Variants in SLC38A5 observed in about 807,000 individuals in gnomAD.
The protein encoded by SLC38A5 is solute carrier family 38 member 5.
SLC38A5 carries 9 observed loss-of-function variants against 34.6 expected under a neutral mutation model. The observed-to-expected ratio is 0.26, with a 90% CI of 0.16 to 0.45. SLC38A5 has a LOEUF of 0.45. Among genes scored for constraint, SLC38A5 ranks in the 20% least tolerant of loss-of-function variants. SLC38A5 has a pLI of 1.00. For synonymous variants in SLC38A5, 157 were observed against 155.6 expected (o/e 1.01, Z -0.07); for missense variants, 253 against 394.7 (o/e 0.64, Z 3.04).
At position 48,468,993 on chromosome X, in the gene SLC38A5, C is replaced by A. The variant is rs190105886; in HGVS notation, c.-2+342G>T. On this transcript the variant is annotated intron_variant, in intron 2 of 16. Coordinates refer to ENST00000620913, the MANE Select transcript of SLC38A5 (RefSeq NM_033518.4). ...ACCCCAGCTCCCTCCCGCGCTTACTCCTTGGGAAGGAGGTATCTCAGAAAC... is the reference window on the plus strand; with the variant it reads ...ACCCCAGCTCCCTCCCGCGCTTACTACTTGGGAAGGAGGTATCTCAGAAAC... The A allele has an allele frequency of 6.9e-4, 516 of 751,219 alleles. 4 individuals are homozygous for A. The African/African-American group carries it at 0.012, about 17-fold the overall frequency. 61.9% of individuals were successfully genotyped at this position (751,219 alleles called of 1,213,427 possible).
intron 6 of SLC38A5, 122 bp downstream of exon 6, chrX:48,466,677 G>A (rs977727494): frequency 2.1e-5 from 16 of 754,662 alleles, no homozygotes; most frequent in Non-Finnish European, 3.0e-5. Flanking sequence ...TCTGGGGTCT[G>A]CATTCAGGGA....
chrX:48,459,410 ACCAT>A, intron 16 of SLC38A5, 122 bp downstream of exon 16: 3 of 637,422 alleles, frequency 4.7e-6, no homozygotes, highest in Non-Finnish European at 4.5e-6. Context: ...ATTCTTCCAG[ACCAT>A]TCTTTCAGAT....
At chrX:48,463,089 G>A in intron 8 of SLC38A5, 109 bp from the exon 9 acceptor site, 1 of 583,390 alleles carries the variant, frequency 1.7e-6, no homozygotes. Flanking sequence ...AGTCAGGAGA[G>A]TTAAGCTGAC....
In SLC38A5 at chrX:48,467,772, G is replaced by T; in HGVS notation, c.67C>A (p.Arg23Ser). 1 of 1,208,160 alleles carries T rather than the reference G, an allele frequency of 8.3e-7. No homozygotes were observed. Among genetic ancestry groups the T allele is most frequent in the Non-Finnish European group, 1.1e-6 (1 of 893,841 alleles). ...CCACGACTGGGCAGGAAGCCCTCAC[G>T]TTCTTGCCTGTAGCTGGATAGGGCA... ...PSDAVGYRQEREGFLPSRGPA... is the reference protein window; with the variant it reads ...PSDAVGYRQESEGFLPSRGPA... Residue 23 changes from arginine (R) to serine (S), a missense_variant, in exon 4 of 17, where the codon CGT becomes AGT. Around this residue, in one of 3 missense-constraint regions of SLC38A5, gnomAD observed 40 missense variants for 36.4 expected, o/e 1.10. Coordinates refer to ENST00000620913, the MANE Select transcript of SLC38A5 (RefSeq NM_033518.4).
At chrX:48,469,680 GA>G in intron 1 of SLC38A5, 2 of 114,291 alleles carry the variant, frequency 1.7e-5, no homozygotes, top group Non-Finnish European at 3.7e-5. Flanking sequence ...ATGGATGGCA[GA>G]AAAAGGTGCA....
Position 48,459,808 on chromosome X carries a change from T to A in SLC38A5, c.1137A>T (p.Ile379=). 1 of 1,211,585 alleles carries A rather than the reference T, an allele frequency of 8.3e-7. No individual in the cohort carries two copies. The highest frequency in any genetic ancestry group is 1.1e-6 in the Non-Finnish European group (1 of 895,355). ...KAFSWPRHVA[I]ALILLVLVNV... ...TGACCAAAACAAGCAGGATCAGAGC[T>A]ATGGCCACATGTCGTGGCCAGCTGA... is the stretch of plus-strand genomic sequence containing the variant. Residue 379 remains isoleucine (I), a synonymous_variant, in exon 15 of 17, where the codon ATA becomes ATT. Transcript: ENST00000620913.
rs2061499640 is a variant in SLC38A5 at position 48,469,335 on chromosome X, C to T, written c.-2G>A. ...CAGCCCACGCTCCCTCCTCACCTAC[C>T]TGCTCCTCTCAGCTCCTGAAGTGGC... On this transcript the variant is annotated splice_region_variant and 5_prime_UTR_variant, in exon 2 of 17. Transcript: ENST00000620913. 1 of 111,655 alleles carries T rather than the reference C, an allele frequency of 9.0e-6. No individual in the cohort carries two copies. The highest frequency in any genetic ancestry group is 2.8e-4 in the East Asian group (1 of 3,549). 9.2% of individuals were successfully genotyped at this position (111,655 alleles called of 1,213,427 possible). A position where few individuals can be genotyped will look rare whatever the true frequency, so the allele number is the denominator to read the frequency against.
intron 8 of SLC38A5, among the ~76,000 whole-genome samples, chrX:48,464,615 G>T (rs1174466634): frequency 8.9e-6 from 1 of 112,155 alleles, no homozygotes; most frequent in Non-Finnish European, 1.9e-5. Context: ...GGCCAACATG[G>T]CAAAACCCCG....
At chrX:48,466,131 C>T (rs2061474197) in intron 7 of SLC38A5, 38 bp from the exon 8 acceptor site, 1 of 1,168,674 alleles carries the variant, frequency 8.6e-7, no homozygotes. Context: ...GAAGGATTCT[C>T]TTCATGCCCC....
rs782322306 is a variant in SLC38A5, at chrX:48,458,879, G to A, written c.*54C>T. On this transcript the variant is annotated 3_prime_UTR_variant, in exon 17 of 17. Coordinates refer to ENST00000620913, the MANE Select transcript of SLC38A5 (RefSeq NM_033518.4). ...TTGGGCAGGAGGGACCCTAGGGAGC[G>A]GCCCTGACCCCTCCATGTGCATGCG... is the stretch of plus-strand genomic sequence containing the variant. 9.7e-6 allele frequency: 11 copies of A among 1,137,437 alleles called. No homozygotes were observed. Among genetic ancestry groups the A allele is most frequent in the African/African-American group, 5.4e-5 (3 of 55,311 alleles). The allele number at this position is 1,137,437 out of a possible 1,213,427, so 93.7% of individuals were successfully genotyped here. A position where few individuals can be genotyped will look rare whatever the true frequency, so the allele number is the denominator to read the frequency against.
intron 7 of SLC38A5, 44 bp from the exon 8 acceptor site, chrX:48,466,137 G>T: frequency 8.6e-7 from 1 of 1,159,752 alleles, no homozygotes; most frequent in Non-Finnish European, 1.2e-6. Flanking sequence ...TTCTCTTCAT[G>T]CCCCCACCCC....
Position 48,467,006 on chromosome X carries a change from C to T in SLC38A5, c.201G>A (p.Leu67=). 1 of 1,212,171 alleles carries T rather than the reference C, an allele frequency of 8.2e-7. No individual in the cohort carries two copies. Among genetic ancestry groups the T allele is most frequent in the Non-Finnish European group, 1.1e-6 (1 of 895,562 alleles). ...LSNAIMGSGI[L]GLAYAMAHTG... ...TGTGGGCCATGGCATAGGCCAGCCC[C>T]AGGATGCCGCTGCCCATGATGGCGT... Residue 67 remains leucine, a synonymous_variant, in exon 5 of 17, where the codon CTG becomes CTA. Transcript: ENST00000620913.
intron 8 of SLC38A5, among the ~76,000 whole-genome samples, chrX:48,463,362 G>A (rs983972795): frequency 4.5e-5 from 5 of 111,627 alleles, no homozygotes; most frequent in African/African-American, 1.6e-4. Flanking sequence ...CAGCACTTTG[G>A]GAGGCTGAGG....
chrX:48,461,367 A>G (rs1361146801), intron 12 of SLC38A5, among the ~76,000 whole-genome samples: 10 of 109,310 alleles, frequency 9.1e-5, no homozygotes, highest in African/African-American at 3.3e-4. Context: ...TCATCCACAC[A>G]TCTCCCATCA....
chrX:48,460,846 G>A, intron 13 of SLC38A5, 82 bp from the exon 14 acceptor site: 1 of 1,032,828 alleles, frequency 9.7e-7, no homozygotes, highest in Non-Finnish European at 1.3e-6. Flanking sequence ...ATACATACAT[G>A]CACAGTGACA....
At chrX:48,468,097 A>G (rs1261687558) in intron 2 of SLC38A5, 172 bp from the exon 3 acceptor site, 8 of 866,593 alleles carry the variant, frequency 9.2e-6, no homozygotes, top group Admixed American at 7.8e-5. Flanking sequence ...GCAGACTGAC[A>G]GAGAAAGAGA....
intron 8 of SLC38A5, 109 bp from the exon 9 acceptor site, chrX:48,463,089 G>C: frequency 5.1e-6 from 3 of 583,392 alleles, no homozygotes; most frequent in South Asian, 3.2e-5. Context: ...AGTCAGGAGA[G>C]TTAAGCTGAC....
Position 48,462,138 on chromosome X carries a change from A to G in SLC38A5, c.640T>C (p.Tyr214His), listed in dbSNP as rs1556962065. Reference sequence around the variant, plus strand: ...GCACAGCCAAGTTGGAACTTCTTGTAGATGACCTGAGGATGGGGGCAGCAG... The same window carrying G: ...GCACAGCCAAGTTGGAACTTCTTGTGGATGACCTGAGGATGGGGGCAGCAG... The part of the protein sequence containing the change: ...CMLFFLVSVI[Y>H]KKFQLGCAIG... Residue 214 changes from tyrosine (Y) to histidine (H), a missense_variant, in exon 11 of 17, where the codon TAC becomes CAC. Physicochemically the swap from Tyr to His is moderately conservative, Grantham distance 83. Around this residue, in one of 3 missense-constraint regions of SLC38A5, gnomAD observed 176 missense variants for 273.0 expected, o/e 0.64. Coordinates refer to ENST00000620913, the MANE Select transcript of SLC38A5 (RefSeq NM_033518.4). 1 of 1,207,373 alleles carries G rather than the reference A, an allele frequency of 8.3e-7. No homozygotes were observed. Among genetic ancestry groups the G allele is most frequent in the Admixed American group, 2.2e-5 (1 of 45,754 alleles).
Position 48,459,573 on chromosome X carries a change from G to A in SLC38A5, c.1280C>T (p.Ser427Phe). 8.8e-7 allele frequency: 1 copy of A among 1,136,048 alleles called. No homozygotes were observed. Among genetic ancestry groups the A allele is most frequent in the South Asian group, 2.2e-5 (1 of 44,649 alleles). 93.6% of individuals were successfully genotyped at this position (1,136,048 alleles called of 1,213,427 possible). Residue 427 changes from serine (S) to phenylalanine (F), a missense_variant, in exon 16 of 17, where the codon TCT (serine) becomes TTT (phenylalanine). Physicochemically the swap from Ser to Phe is radical, Grantham distance 155. Around this residue, in one of 3 missense-constraint regions of SLC38A5, gnomAD observed 176 missense variants for 273.0 expected, o/e 0.64. Coordinates refer to ENST00000620913, the MANE Select transcript of SLC38A5 (RefSeq NM_033518.4). ...CCAGGATAAGAAAGGCTCCACCTCAGAGGGTACAATGCGGAGGTAGAAGAT... is the reference window on the plus strand; with the variant it reads ...CCAGGATAAGAAAGGCTCCACCTCAAAGGGTACAATGCGGAGGTAGAAGAT... Reference protein sequence around the residue: ...PSIFYLRIVPSEVEPFLSWPK... With the variant: ...PSIFYLRIVPFEVEPFLSWPK...
Sources: allele counts gnomAD v4.1 joint callset (sites outside exome capture counted in the v4.1 genomes callset), GRCh38; gene constraint gnomAD v4.1.1; regional missense constraint gnomAD v4.1.1; transcripts MANE v1.5; gene names NCBI Gene and HGNC (gene_info 2026-07-23, HGNC 2026-07-21).